The following CDH19 variants were observed in gnomAD, a reference collection of about 807,000 sequenced individuals.
CDH19 encodes cadherin-19.
CDH19 carries 67 observed loss-of-function variants against 64.2 expected under a neutral mutation model. That is an observed-to-expected ratio of 1.04 (90% confidence interval 0.86 to 1.28). The LOEUF (loss-of-function observed/expected upper bound fraction) is 1.28, where lower values mean the gene tolerates loss of function less well. Ranked by LOEUF, CDH19 falls within the 50% of genes most tolerant of loss-of-function variation. The probability of loss-of-function intolerance (pLI) is 0.00; values close to 1 mark genes in which losing one functional copy is unlikely to be tolerated. For synonymous variants in CDH19, 346 were observed against 319.3 expected, an observed-to-expected ratio of 1.08 and a Z score of -0.89; for missense variants, 1,030 against 929.0, an observed-to-expected ratio of 1.11 and a Z score of -1.41.
intron 1 of CDH19, among the ~76,000 whole-genome samples, chr18:66,588,037 T>C (rs1988626992): frequency 6.6e-6 from 1 of 152,132 alleles, no homozygotes; most frequent in South Asian, 2.1e-4. Context: ...GTAATATTGA[T>C]GAGAAAAAAG....
Position 66,521,535 on chromosome 18 carries a change from G to T in CDH19, c.1458+8310C>A, listed in dbSNP as rs1349531966. 6.6e-3 allele frequency among the ~76,000 whole-genome samples: 537 copies of T among 81,114 alleles called. 1 individual carries two copies. Among genetic ancestry groups the T allele is most frequent in the African/African-American group, 0.017 (325 of 19,134 alleles). 53.2% of individuals were successfully genotyped at this position (81,114 alleles called of 152,430 possible). On this transcript the variant is annotated intron_variant, in intron 9 of 11. Transcript: ENST00000262150. ...ATTTATTTATTTATTTTGTTTGTTTGTTTGTTTGTTTATTTGTTTTTGAGA... is the reference window on the plus strand; with the variant it reads ...ATTTATTTATTTATTTTGTTTGTTTTTTTGTTTGTTTATTTGTTTTTGAGA...
chr18:66,539,744 G>C (rs918838253), intron 7 of CDH19, among the ~76,000 whole-genome samples: 9 of 151,954 alleles, frequency 5.9e-5, no homozygotes, highest in Non-Finnish European at 1.2e-4. Context: ...CGTATGGTAG[G>C]ATATATCAGT....
intron 5 of CDH19, among the ~76,000 whole-genome samples, chr18:66,547,204 C>T (rs896963600): frequency 8.5e-5 from 13 of 152,060 alleles, no homozygotes; most frequent in African/African-American, 3.1e-4. Flanking sequence ...GTTCATATTT[C>T]GGATATTTTC....
At chr18:66,594,161 C>A (rs1988818332) in intron 1 of CDH19, among the ~76,000 whole-genome samples, 1 of 151,954 alleles carries the variant, frequency 6.6e-6, no homozygotes, top group African/African-American at 2.4e-5. Flanking sequence ...TCAAAAACGA[C>A]AAAAATCGGC....
At chr18:66,579,682 T>G (rs1193829005) in intron 1 of CDH19, among the ~76,000 whole-genome samples, 2 of 152,078 alleles carry the variant, frequency 1.3e-5, no homozygotes, top group Non-Finnish European at 2.9e-5. Context: ...TAGTGTAAAA[T>G]GTGGGCATTG....
intron 5 of CDH19, among the ~76,000 whole-genome samples, chr18:66,547,659 A>C (rs1477653086): frequency 2.0e-3 from 227 of 113,054 alleles, no homozygotes; most frequent in African/African-American, 6.8e-3. Flanking sequence ...AGTGTGTGTT[A>C]GGTTTTTTTT....
Position 66,529,893 on chromosome 18 carries a change from G to A in CDH19, c.1410C>T (p.Phe470=), listed in dbSNP as rs372093174. Residue 470 remains phenylalanine, a synonymous_variant, in exon 9 of 12, where the codon TTC becomes TTT. Coordinates refer to ENST00000262150, the MANE Select transcript of CDH19 (RefSeq NM_021153.4). ...AAACATAAGTCTCATAGTATTGAGA[G>A]AACTCAGGAGCATGATCATTGATGT... The part of the protein sequence containing the change: ...VLNINDHAPE[F]SQYYETYVCE... The A allele has an allele frequency of 5.6e-5, 89 of 1,591,586 alleles. No homozygotes were observed. In the South Asian group the frequency reaches 8.8e-4, roughly 16 times the overall value.
chr18:66,557,496 G>C (rs1252984605), intron 3 of CDH19, among the ~76,000 whole-genome samples: 2 of 151,934 alleles, frequency 1.3e-5, no homozygotes, highest in African/African-American at 2.4e-5. Flanking sequence ...AGAAATTTTA[G>C]TGGAAAAAAT....
rs1177744658 is a variant in CDH19, at chr18:66,505,132, C to G, written c.1999G>C (p.Glu667Gln). Residue 667 changes from glutamate to glutamine, a missense_variant, in exon 12 of 12, where the codon GAA becomes CAA. Physicochemically the swap from Glu to Gln is conservative, Grantham distance 29 (BLOSUM62 2). Transcript: ENST00000262150. Reference protein sequence around the residue: ...AELRSSTIMRERKTRKTTSAE... With the variant: ...AELRSSTIMRQRKTRKTTSAE... The stretch of plus-strand genomic sequence containing the variant: ...CTTGTGGTTTTCCGAGTCTTGCGTT[C>G]CCGCATTATGGTACTACTCCTCAGC... 1.9e-6 allele frequency: 3 copies of G among 1,613,526 alleles called. No individual in the cohort carries two copies. The highest frequency in any genetic ancestry group is 2.5e-6 in the Non-Finnish European group (3 of 1,179,706).
intron 9 of CDH19, among the ~76,000 whole-genome samples, chr18:66,521,166 T>C (rs1226766836): frequency 2.6e-5 from 4 of 152,156 alleles, no homozygotes; most frequent in Non-Finnish European, 4.4e-5. Context: ...TAGTAATAAA[T>C]AGAATGTGGT....
intron 7 of CDH19, among the ~76,000 whole-genome samples, chr18:66,537,839 C>T (rs1381720774): frequency 6.6e-6 from 1 of 151,928 alleles, no homozygotes; most frequent in Non-Finnish European, 1.5e-5. Context: ...CAGACATCAG[C>T]AGGAAATATA....
chr18:66,529,860 A>G lies in CDH19; in HGVS notation c.1443T>C (p.Asn481=). ...SQYYETYVCE[N]AGSGQVIQTI... is the part of the protein sequence containing the mutation. The stretch of plus-strand genomic sequence containing the variant: ...GAGTCCTTACCTGACCAGAGCCTGC[A>G]TTTTCACAAACATAAGTCTCATAGT... The change falls in exon 9 of 12, where the codon AAT becomes AAC. Residue 481 remains asparagine, a synonymous_variant. Coordinates refer to ENST00000262150, the MANE Select transcript of CDH19 (RefSeq NM_021153.4). 6 of 1,594,042 alleles carry G rather than the reference A, an allele frequency of 3.8e-6. No homozygotes were observed. The highest frequency in any genetic ancestry group is 5.1e-6 in the Non-Finnish European group (6 of 1,168,816).
intron 7 of CDH19, among the ~76,000 whole-genome samples, chr18:66,540,356 G>A (rs1006776787): frequency 2.6e-5 from 4 of 151,872 alleles, no homozygotes; most frequent in African/African-American, 7.3e-5. Context: ...CTTCAATAAC[G>A]TCCAAAAAGT....
chr18:66,566,565 A>G (rs1198987263), intron 3 of CDH19, among the ~76,000 whole-genome samples: 5 of 151,800 alleles, frequency 3.3e-5, no homozygotes, highest in Non-Finnish European at 1.5e-5. Context: ...ATGCCATACA[A>G]TAGTCTTCAG....
In CDH19 at chr18:66,544,969, T is replaced by TTTTG. The variant is rs993565876; in HGVS notation, c.776-70_776-67dup. The TTTTG allele has an allele frequency of 1.8e-4, 225 of 1,225,674 alleles. 1 individual carries two copies. Among genetic ancestry groups the TTTTG allele is most frequent in the Admixed American group, 7.4e-4 (28 of 37,588 alleles). The allele number at this position is 1,225,674 out of a possible 1,614,324, so 75.9% of individuals were successfully genotyped here. On this transcript the variant is annotated intron_variant, in intron 5 of 11. Coordinates refer to ENST00000262150, the MANE Select transcript of CDH19 (RefSeq NM_021153.4). Reference sequence around the variant, plus strand: ...ATATAGACAACTTGCAATTATAGTTTTTTGTTTGTTTGTTTGTTTGTTTTT... The same window carrying TTTTG: ...ATATAGACAACTTGCAATTATAGTTTTTTGTTTGTTTGTTTGTTTGTTTGTTTTT...
intron 1 of CDH19, among the ~76,000 whole-genome samples, chr18:66,600,565 G>T (rs572917189): frequency 1.3e-5 from 2 of 151,856 alleles, no homozygotes; most frequent in East Asian, 1.9e-4. Context: ...ACATCGCTTT[G>T]TATCTTTAAA....
In CDH19 at chr18:66,501,773, T is replaced by C. The variant is rs1984952995; in HGVS notation, c.*3039A>G. ...ATAACAACCATGTGAAATAGGTTGA[T>C]TGGACGTCATTTTACAAAGTGAGAT... is the stretch of plus-strand genomic sequence containing the variant. On this transcript the variant is annotated 3_prime_UTR_variant, in exon 12 of 12. Transcript: ENST00000262150. 1 of 152,102 alleles carries C rather than the reference T, an allele frequency of 6.6e-6. No individual in the cohort carries two copies. Among genetic ancestry groups the C allele is most frequent in the African/African-American group, 2.4e-5 (1 of 41,442 alleles). The allele number at this position is 152,102 out of a possible 1,614,324, so 9.4% of individuals were successfully genotyped here. A position where few individuals can be genotyped will look rare whatever the true frequency, so the allele number is the denominator to read the frequency against.
rs768030829 is a variant in CDH19, at chr18:66,511,603, G to A, written c.1541C>T (p.Thr514Ile). The change falls in exon 10 of 12, where the codon ACT becomes ATT. Residue 514 changes from threonine to isoleucine, a missense_variant. Transcript: ENST00000262150. ...TATGATTGTAAAACTTGAATTGTTA[G>A]TGTCTTCTACAGATAGATTAAAGTA... ...HFYFNLSVED[T>I]NNSSFTIIDN... 8 of 1,508,332 alleles carry A rather than the reference G, an allele frequency of 5.3e-6. No individual in the cohort carries two copies. The highest frequency in any genetic ancestry group is 7.4e-6 in the Non-Finnish European group (8 of 1,085,622). The allele number at this position is 1,508,332 out of a possible 1,614,324, so 93.4% of individuals were successfully genotyped here.
intron 1 of CDH19, among the ~76,000 whole-genome samples, chr18:66,587,448 T>A (rs1250379483): frequency 6.6e-6 from 1 of 152,060 alleles, no homozygotes; most frequent in African/African-American, 2.4e-5. Flanking sequence ...TCTGAATGAC[T>A]AATCGGATGA....
Sources: gnomAD v4.1 joint callset for allele counts (sites outside exome capture counted in the v4.1 genomes callset) on GRCh38, gnomAD v4.1.1 for gene constraint, MANE v1.5 for transcripts, NCBI Gene and HGNC (gene_info 2026-07-23, HGNC 2026-07-21) for gene names.